ADAMTSL1: variants seen among roughly 807,000 people sequenced by gnomAD.
ADAMTSL1 encodes the protein ADAMTS like 1.
A neutral mutation model predicts 201.8 loss-of-function variants in ADAMTSL1; 126 were observed. The ratio of observed to expected loss-of-function variants is 0.62; its 90% CI spans 0.54 to 0.72. The LOEUF (loss-of-function observed/expected upper bound fraction) is 0.72, where lower values mean the gene tolerates loss of function less well. ADAMTSL1 is among the 30% of genes least tolerant of loss of function. The pLI, the probability that ADAMTSL1 is intolerant of heterozygous loss-of-function variation, is 0.00. For synonymous variants in ADAMTSL1, 1,121 were observed against 903.4 expected (o/e 1.24, Z -4.32); for missense variants, 2,679 against 2,277.8 (o/e 1.18, Z -3.59).
chr9:18,230,050 A>G (rs1354096381), intron 2 of ADAMTSL1, among the ~76,000 whole-genome samples: 3 of 152,152 alleles, frequency 2.0e-5, no homozygotes, highest in Non-Finnish European at 4.4e-5. Context: ...CCAGACAAGC[A>G]TTGGTAGGTA....
chr9:18,850,541 C>T (rs946924053), intron 23 of ADAMTSL1, among the ~76,000 whole-genome samples: 1 of 152,186 alleles, frequency 6.6e-6, no homozygotes, highest in East Asian at 1.9e-4. Context: ...TGCCTTGGTT[C>T]CAAGCCAACT....
chr9:18,189,847 A>G (rs1381705023), intron 2 of ADAMTSL1, among the ~76,000 whole-genome samples: 2 of 152,236 alleles, frequency 1.3e-5, no homozygotes, highest in South Asian at 2.1e-4. Context: ...TCTGAGAACT[A>G]CCTTTTGAAA....
At chr9:18,341,840 A>T (rs1239170876) in intron 2 of ADAMTSL1, among the ~76,000 whole-genome samples, 7 of 152,138 alleles carry the variant, frequency 4.6e-5, no homozygotes. Context: ...GAGGCAGGTA[A>T]TGGGAGAGAA....
chr9:18,596,817 G>A (rs936740597), intron 4 of ADAMTSL1, among the ~76,000 whole-genome samples: 6 of 152,162 alleles, frequency 3.9e-5, no homozygotes, highest in African/African-American at 1.2e-4. Context: ...GGAACATACA[G>A]AAGAAGTGAA....
At chr9:18,892,145 T>C (rs1480033395) in intron 25 of ADAMTSL1, among the ~76,000 whole-genome samples, 2 of 152,212 alleles carry the variant, frequency 1.3e-5, no homozygotes, top group Non-Finnish European at 2.9e-5. Context: ...TAATCTTATC[T>C]CAAGTCCATA....
At chr9:18,834,252 C>T (rs1163689456) in intron 23 of ADAMTSL1, among the ~76,000 whole-genome samples, 1 of 152,130 alleles carries the variant, frequency 6.6e-6, no homozygotes, top group Admixed American at 6.6e-5. Flanking sequence ...ATAGGAATAA[C>T]ATTGAATCTG....
chr9:17,991,709 C>G (rs529908189), intron 1 of ADAMTSL1, among the ~76,000 whole-genome samples: 1 of 152,142 alleles, frequency 6.6e-6, no homozygotes, highest in Non-Finnish European at 1.5e-5. Flanking sequence ...AAGTCCCTCT[C>G]CCATGCCAGG....
At chr9:18,254,351 T>G (rs1165154617) in intron 2 of ADAMTSL1, among the ~76,000 whole-genome samples, 2 of 62,596 alleles carry the variant, frequency 3.2e-5, no homozygotes, top group Non-Finnish European at 6.3e-5. Context: ...TTTGGTTTTT[T>G]TTTTTTTTTT....
chr9:18,906,581 A>G, intron 27 of ADAMTSL1, 111 bp from the exon 28 acceptor site: 1 of 876,278 alleles, frequency 1.1e-6, no homozygotes, highest in Non-Finnish European at 1.7e-6. Flanking sequence ...GTAACGCTGA[A>G]AGTTCTTGAG....
At chr9:18,154,855 T>A (rs1827080962) in intron 1 of ADAMTSL1, among the ~76,000 whole-genome samples, 1 of 152,088 alleles carries the variant, frequency 6.6e-6, no homozygotes, top group African/African-American at 2.4e-5. Context: ...CTTAGGCATT[T>A]TCTTGAGATA....
chr9:18,403,840 A>T (rs1420966915), intron 2 of ADAMTSL1, among the ~76,000 whole-genome samples: 1 of 152,160 alleles, frequency 6.6e-6, no homozygotes, highest in Admixed American at 6.5e-5. Context: ...ACCCAAAAAT[A>T]TTTTAAATCA....
intron 1 of ADAMTSL1, among the ~76,000 whole-genome samples, chr9:18,051,513 G>C (rs1414904575): frequency 6.7e-6 from 1 of 150,046 alleles, no homozygotes; most frequent in Non-Finnish European, 1.5e-5. Flanking sequence ...CAGAGAAGGA[G>C]AAAAAAGGAA....
At chr9:18,088,205 A>C (rs1357383265) in intron 1 of ADAMTSL1, among the ~76,000 whole-genome samples, 2 of 152,228 alleles carry the variant, frequency 1.3e-5, no homozygotes, top group Non-Finnish European at 2.9e-5. Flanking sequence ...TATGCAAAAC[A>C]AATGAAATTG....
chr9:18,295,318 G>A (rs1243144418), intron 2 of ADAMTSL1, among the ~76,000 whole-genome samples: 2 of 151,676 alleles, frequency 1.3e-5, no homozygotes, highest in Non-Finnish European at 2.9e-5. Flanking sequence ...ATTCAAGGAT[G>A]GAGATTTTGA....
intron 9 of ADAMTSL1, among the ~76,000 whole-genome samples, chr9:18,670,545 C>G (rs1387985667): frequency 6.6e-6 from 1 of 152,226 alleles, no homozygotes; most frequent in East Asian, 1.9e-4. Context: ...AGACGTGGGA[C>G]TGAATATGTG....
intron 2 of ADAMTSL1, among the ~76,000 whole-genome samples, chr9:18,323,227 C>G (rs558071739): frequency 6.6e-6 from 1 of 152,216 alleles, no homozygotes; most frequent in South Asian, 2.1e-4. Context: ...GTAAGGTTGG[C>G]TTGACATTTG....
chr9:18,052,193 G>A (rs987417965), intron 1 of ADAMTSL1, among the ~76,000 whole-genome samples: 3 of 152,202 alleles, frequency 2.0e-5, no homozygotes, highest in Admixed American at 6.5e-5. Flanking sequence ...AATTACCTTT[G>A]CAGAAGTGGC....
At chr9:18,600,717 TC>T (rs138571180) in intron 4 of ADAMTSL1, among the ~76,000 whole-genome samples, 39,665 of 152,092 alleles carry the variant, frequency 0.26, 6,084 homozygotes, top group East Asian at 0.47. Context: ...GGAAACTTTT[TC>T]TACTAAATCA....
intron 21 of ADAMTSL1, among the ~76,000 whole-genome samples, chr9:18,821,237 A>ATACATATAATGGCT (rs1273276312): frequency 1.3e-5 from 2 of 152,194 alleles, no homozygotes; most frequent in Non-Finnish European, 2.9e-5. Context: ...TGGCTCAAAT[A>ATACATATAATGGCT]CAATAGAAGG....
Sources: gnomAD v4.1 joint callset for allele counts (sites outside exome capture counted in the v4.1 genomes callset) on GRCh38, gnomAD v4.1.1 for gene constraint, MANE v1.5 for transcripts, NCBI Gene and HGNC (gene_info 2026-07-23, HGNC 2026-07-21) for gene names.